PHEX: variants seen among roughly 807,000 people sequenced by gnomAD.
PHEX encodes the protein phosphate-regulating neutral endopeptidase PHEX.
A neutral mutation model predicts 68.0 loss-of-function variants in PHEX; 16 were observed. The observed-to-expected ratio is 0.24, with a 90% CI of 0.16 to 0.36. PHEX has a LOEUF of 0.36. Ranked by LOEUF, PHEX falls within the 10% of genes least tolerant of loss-of-function variation. The pLI is 1.00. For synonymous variants in PHEX, 208 were observed against 205.1 expected (o/e 1.01, Z -0.12); for missense variants, 480 against 575.5 (o/e 0.83, Z 1.70).
intron 12 of PHEX, among the ~76,000 whole-genome samples, chrX:22,164,537 G>A (rs964158403): frequency 1.3e-4 from 15 of 111,701 alleles, no homozygotes; most frequent in Admixed American, 6.7e-4. Flanking sequence ...GTGCAGTGGG[G>A]GTCCCAGAGA....
chrX:22,092,749 C>CTTTCTT (rs1929948719), intron 6 of PHEX, among the ~76,000 whole-genome samples: 5 of 77,953 alleles, frequency 6.4e-5, no homozygotes, highest in Admixed American at 1.5e-4. Flanking sequence ...TTCTTTCTTT[C>CTTTCTT]TTTTTTTTTT....
At chrX:22,177,897 A>G (rs1478009395) in intron 13 of PHEX, among the ~76,000 whole-genome samples, 1 of 112,312 alleles carries the variant, frequency 8.9e-6, no homozygotes, top group Non-Finnish European at 1.9e-5. Context: ...AAATTAACAA[A>G]GTACACATTT....
chrX:22,213,043 AG>A lies in PHEX; in HGVS notation c.1700+87del, dbSNP rs1217190072. ...TAGAGGACAGAAGAAACAAAGTCAA[AG>A]GTTATTCAGCAGAAAGAAGCCATGG... On this transcript the variant is annotated intron_variant, in intron 16 of 21. Transcript: ENST00000379374. The A allele has an allele frequency of 5.4e-6, 4 of 744,470 alleles. No individual in the cohort carries two copies. In the East Asian group the frequency reaches 1.3e-4, roughly 24 times the overall value. 61.4% of individuals were successfully genotyped at this position (744,470 alleles called of 1,213,427 possible). A position where few individuals can be genotyped will look rare whatever the true frequency, so the allele number is the denominator to read the frequency against.
At chrX:22,117,626 T>G (rs773343372) in intron 11 of PHEX, among the ~76,000 whole-genome samples, 1 of 111,712 alleles carries the variant, frequency 9.0e-6, no homozygotes. Context: ...GTAGAAGAAT[T>G]TTAACTAATA....
intron 15 of PHEX, among the ~76,000 whole-genome samples, chrX:22,192,061 C>T (rs777300417): frequency 1.8e-5 from 2 of 111,771 alleles, no homozygotes; most frequent in Non-Finnish European, 3.8e-5. Context: ...CACCAAATTC[C>T]GGTTGGTGGT....
chrX:22,109,844 G>T (rs150227984), intron 9 of PHEX, among the ~76,000 whole-genome samples: 1,629 of 111,939 alleles, frequency 0.015, 20 homozygotes, highest in South Asian at 0.039. Context: ...GGCATTACAT[G>T]AGCTTATGAG....
intron 15 of PHEX, among the ~76,000 whole-genome samples, chrX:22,204,778 G>T (rs1243509832): frequency 9.0e-6 from 1 of 111,672 alleles, no homozygotes; most frequent in Non-Finnish European, 1.9e-5. Flanking sequence ...AATAATCAAA[G>T]AAGTTAGCAG....
chrX:22,163,939 C>G (rs1470807662), intron 12 of PHEX, among the ~76,000 whole-genome samples: 9 of 111,969 alleles, frequency 8.0e-5, no homozygotes, highest in Non-Finnish European at 1.9e-5. Context: ...CTTAGGTAAC[C>G]TTTCAGAGGG....
chrX:22,160,567 A>C (rs2147111064), intron 12 of PHEX, among the ~76,000 whole-genome samples: 1 of 104,035 alleles, frequency 9.6e-6, no homozygotes, highest in African/African-American at 3.7e-5. Flanking sequence ...AAAAAAAAAG[A>C]AAAGAAAAAA....
Position 22,032,918 on chromosome X carries a change from G to A in PHEX, c.-88G>A. The A allele has an allele frequency of 3.0e-6, 2 of 664,779 alleles. No individual in the cohort carries two copies. The highest frequency in any genetic ancestry group is 3.2e-5 in the East Asian group (1 of 31,198). 54.8% of individuals were successfully genotyped at this position (664,779 alleles called of 1,213,427 possible). ...TGTCCATTAGTAGAAGAGCAAGAAAGCCTTGGATGTCAACGCCTCGCTCTT... is the reference window on the plus strand; with the variant it reads ...TGTCCATTAGTAGAAGAGCAAGAAAACCTTGGATGTCAACGCCTCGCTCTT... On this transcript the variant is annotated 5_prime_UTR_variant, in exon 1 of 22. Transcript: ENST00000379374.
At chrX:22,166,061 C>T (rs752908556) in intron 12 of PHEX, among the ~76,000 whole-genome samples, 2 of 111,691 alleles carry the variant, frequency 1.8e-5, no homozygotes, top group Non-Finnish European at 3.8e-5. Context: ...TTTATATGTG[C>T]CTAAGTTTGT....
intron 15 of PHEX, among the ~76,000 whole-genome samples, chrX:22,195,731 G>A (rs1934347158): frequency 8.9e-6 from 1 of 112,218 alleles, no homozygotes; most frequent in Non-Finnish European, 1.9e-5. Context: ...TTCAGGAACA[G>A]GCAAATACAT....
At chrX:22,073,635 GTTTTTT>G (rs1182752837) in intron 3 of PHEX, among the ~76,000 whole-genome samples, 3 of 53,214 alleles carry the variant, frequency 5.6e-5, no homozygotes, top group Non-Finnish European at 1.0e-4. Flanking sequence ...CTGTGCTATA[GTTTTTT>G]TTTTTTTTTT....
At chrX:22,074,826 A>G (rs1929073390) in intron 3 of PHEX, among the ~76,000 whole-genome samples, 1 of 111,580 alleles carries the variant, frequency 9.0e-6, no homozygotes, top group Non-Finnish European at 1.9e-5. Flanking sequence ...CTGTAATCCC[A>G]GCACTTTGGG....
At chrX:22,093,235 G>T (rs1044182580) in intron 6 of PHEX, among the ~76,000 whole-genome samples, 1 of 111,749 alleles carries the variant, frequency 8.9e-6, no homozygotes, top group Admixed American at 9.5e-5. Flanking sequence ...TACCTGATGC[G>T]TTGAGATCTC....
chrX:22,232,934 G>A (rs949407349), intron 20 of PHEX, among the ~76,000 whole-genome samples: 13 of 110,839 alleles, frequency 1.2e-4, no homozygotes, highest in East Asian at 1.1e-3. Context: ...AGTGGCTGGT[G>A]CCAGTTGTTC....
At position 22,235,065 on chromosome X, in the gene PHEX, G is replaced by T. The variant is rs767015000; in HGVS notation, c.2070+7454G>T. Among the ~76,000 whole-genome samples, 8 of 111,101 alleles carry T rather than the reference G, an allele frequency of 7.2e-5. No individual in the cohort carries two copies. In the East Asian group the frequency reaches 2.3e-3, roughly 32 times the overall value. On this transcript the variant is annotated intron_variant, in intron 20 of 21. Coordinates refer to ENST00000379374, the MANE Select transcript of PHEX (RefSeq NM_000444.6). ...GGTTCCTCAGGCTCAGTCCCTCATGGCTTCCCTTGGGTAGGGGAGAAAATT... is the reference window on the plus strand; with the variant it reads ...GGTTCCTCAGGCTCAGTCCCTCATGTCTTCCCTTGGGTAGGGGAGAAAATT...
At chrX:22,158,970 T>A (rs925758495) in intron 12 of PHEX, among the ~76,000 whole-genome samples, 9 of 113,212 alleles carry the variant, frequency 7.9e-5, no homozygotes, top group African/African-American at 2.9e-4. Flanking sequence ...TGGAAATTAA[T>A]TGTGATTTTT....
chrX:22,107,507 C>T (rs1930755731), intron 9 of PHEX, among the ~76,000 whole-genome samples: 1 of 111,961 alleles, frequency 8.9e-6, no homozygotes, highest in African/African-American at 3.2e-5. Context: ...ATGACCTGGT[C>T]GCTGTCTGCA....
Sources: allele counts gnomAD v4.1 joint callset (sites outside exome capture counted in the v4.1 genomes callset), GRCh38; gene constraint gnomAD v4.1.1; transcripts MANE v1.5; gene names NCBI Gene and HGNC (gene_info 2026-07-23, HGNC 2026-07-21).